The following ABCA4 variants were observed in gnomAD, a reference collection of about 807,000 sequenced individuals.
ABCA4 encodes the protein retinal-specific phospholipid-transporting ATPase ABCA4.
Under a neutral mutation model 263.7 loss-of-function variants are expected in ABCA4, and 196 were observed. That is an observed-to-expected ratio of 0.74 (90% CI 0.66 to 0.84). The LOEUF (loss-of-function observed/expected upper bound fraction) is 0.84, where lower values mean the gene tolerates loss of function less well. Among genes scored for constraint, ABCA4 ranks in the 40% least tolerant of loss-of-function variants. The probability of loss-of-function intolerance (pLI) is 0.00; values close to 1 mark genes in which losing one functional copy is unlikely to be tolerated. For missense variants in ABCA4, 2,792 were observed against 2,855.1 expected, an observed-to-expected ratio of 0.98 and a Z score of 0.50; for synonymous variants, 1,133 against 1,094.2, an observed-to-expected ratio of 1.04 and a Z score of -0.70.
intron 49 of ABCA4, 44 bp from the exon 50 acceptor site, chr1:93,993,286 G>A (rs753523367): frequency 2.5e-6 from 4 of 1,613,364 alleles, no homozygotes; most frequent in Non-Finnish European, 2.5e-6. Flanking sequence ...TTGGTTTTCT[G>A]AGATGCTGTA....
chr1:94,009,731 G>A (rs1212980633), intron 40 of ABCA4, among the ~76,000 whole-genome samples: 1 of 152,208 alleles, frequency 6.6e-6, no homozygotes, highest in African/African-American at 2.4e-5. Context: ...AGGCCCTAAA[G>A]CAGGCAGGAC....
Position 94,008,797 on chromosome 1 carries a change from G to A in ABCA4, c.5789C>T (p.Thr1930Ile), listed in dbSNP as rs1315622875. The A allele has an allele frequency of 1.2e-6, 2 of 1,613,814 alleles. No homozygotes were observed. Among genetic ancestry groups the A allele is most frequent in the Non-Finnish European group, 1.7e-6 (2 of 1,179,940 alleles). The change falls in exon 41 of 50, where the codon ACT (threonine) becomes ATT (isoleucine). Residue 1930 changes from threonine to isoleucine, a missense_variant. Transcript: ENST00000370225. Reference protein sequence around the residue: ...DVAEERQRIITGGNKTDILRL... With the variant: ...DVAEERQRIIIGGNKTDILRL... ...TAAGATGTCAGTTTTATTTCCACCA[G>A]TAATAATTCTTTGTCTTTCTTCAGC...
rs1375313569 is a variant in ABCA4 at position 94,079,403 on chromosome 1, A to G, written c.1158T>C (p.Ala386=). 6 of 1,614,048 alleles carry G rather than the reference A, an allele frequency of 3.7e-6. No homozygotes were observed. In the African/African-American group the frequency reaches 4.0e-5, roughly 11 times the overall value. ...SLESNPLTKI[A]WRAAKPLLMG... is the part of the protein sequence containing the mutation. ...TCAGCAAAGGCTTTGCCGCCCTCCAAGCGATTTTGGTTAAAGGATTTGACT... is the reference window on the plus strand; with the variant it reads ...TCAGCAAAGGCTTTGCCGCCCTCCAGGCGATTTTGGTTAAAGGATTTGACT... The change falls in exon 9 of 50, where the codon GCT becomes GCC. Residue 386 remains alanine, a synonymous_variant. Transcript: ENST00000370225.
intron 11 of ABCA4, 32 bp from the exon 12 acceptor site, chr1:94,063,349 AG>A (rs746650019): frequency 6.2e-7 from 1 of 1,600,624 alleles, no homozygotes; most frequent in Non-Finnish European, 8.6e-7. Flanking sequence ...AGAGAGTGTG[AG>A]GAGGACCAAC....
intron 27 of ABCA4, 133 bp downstream of exon 27, chr1:94,031,645 A>G: frequency 3.9e-6 from 5 of 1,280,670 alleles, no homozygotes; most frequent in Non-Finnish European, 5.5e-6. Flanking sequence ...AAAGCAGGAA[A>G]CAAAACCAGC....
At position 94,055,674 on chromosome 1, in the gene ABCA4, C is replaced by T. The variant is rs567834925; in HGVS notation, c.2383-359G>A. 2.0e-5 allele frequency among the ~76,000 whole-genome samples: 3 copies of T among 152,334 alleles called. No homozygotes were observed. In the South Asian group the frequency reaches 6.2e-4, roughly 32 times the overall value. ...GGATTACCAAAATAGCCCAACTCTG[C>T]CCACAGATGAGTCATAAGGATTTCT... On this transcript the variant is annotated intron_variant, in intron 15 of 49. Transcript: ENST00000370225.
At chr1:94,055,943 G>C (rs1305019020) in intron 15 of ABCA4, among the ~76,000 whole-genome samples, 4 of 152,180 alleles carry the variant, frequency 2.6e-5, no homozygotes, top group African/African-American at 9.6e-5. Flanking sequence ...GCACCCTCCA[G>C]GGCCAGAGGC....
At chr1:94,036,827 T>C (rs1218297062) in intron 25 of ABCA4, 39 bp from the exon 26 acceptor site, 2 of 1,601,476 alleles carry the variant, frequency 1.2e-6, no homozygotes, top group Admixed American at 3.3e-5. Context: ...TGTTTAGTCA[T>C]TCTTATTCTC....
intron 47 of ABCA4, among the ~76,000 whole-genome samples, chr1:94,000,450 G>A (rs1056733205): frequency 1.3e-5 from 2 of 152,184 alleles, no homozygotes; most frequent in Non-Finnish European, 2.9e-5. Context: ...CCTCAAGTCA[G>A]TTGGTCTCCT....
At chr1:94,002,691 G>C (rs908639553) in intron 44 of ABCA4, among the ~76,000 whole-genome samples, 1 of 152,108 alleles carries the variant, frequency 6.6e-6, no homozygotes, top group Non-Finnish European at 1.5e-5. Context: ...AGGTGTGCAC[G>C]TGGCTCCTTC....
intron 48 of ABCA4, among the ~76,000 whole-genome samples, chr1:93,996,727 C>G (rs1659014851): frequency 6.6e-6 from 1 of 151,958 alleles, no homozygotes; most frequent in African/African-American, 2.4e-5. Flanking sequence ...AGAAACAACC[C>G]AAATGTCTAT....
At chr1:94,059,761 T>TA (rs1661068822) in intron 14 of ABCA4, 2 of 152,330 alleles carry the variant, frequency 1.3e-5, no homozygotes, top group African/African-American at 4.8e-5. Flanking sequence ...CAATAAAATA[T>TA]AAAAAATGAC....
At chr1:94,087,980 G>A (rs1166295484) in intron 6 of ABCA4, among the ~76,000 whole-genome samples, 8 of 152,072 alleles carry the variant, frequency 5.3e-5, no homozygotes, top group Admixed American at 5.2e-4. Context: ...ATCTACCTCT[G>A]ATCGCTTATG....
At chr1:94,039,711 T>C (rs1024756219) in intron 24 of ABCA4, among the ~76,000 whole-genome samples, 7 of 152,092 alleles carry the variant, frequency 4.6e-5, no homozygotes, top group Non-Finnish European at 8.8e-5. Flanking sequence ...ACGGCACACA[T>C]GTAGAAGAAG....
intron 16 of ABCA4, among the ~76,000 whole-genome samples, chr1:94,053,595 A>G (rs956857991): frequency 2.0e-5 from 3 of 152,228 alleles, no homozygotes; most frequent in Non-Finnish European, 4.4e-5. Context: ...TAAGATGGCC[A>G]TGTAAGACAG....
intron 6 of ABCA4, among the ~76,000 whole-genome samples, chr1:94,093,554 G>T (rs772753195): frequency 1.2e-4 from 18 of 152,196 alleles, no homozygotes; most frequent in Non-Finnish European, 8.8e-5. Context: ...AGGACCCCAG[G>T]ACTCATTATC....
chr1:94,005,313 G>A (rs1463566075), intron 44 of ABCA4, 128 bp downstream of exon 44: 1 of 1,275,022 alleles, frequency 7.8e-7, no homozygotes, highest in Non-Finnish European at 1.1e-6. Flanking sequence ...TAGACACATA[G>A]TAAACATTTG....
intron 17 of ABCA4, among the ~76,000 whole-genome samples, chr1:94,049,811 A>G (rs960071000): frequency 6.6e-6 from 1 of 151,848 alleles, no homozygotes; most frequent in African/African-American, 2.4e-5. Flanking sequence ...GAAGTGTGGT[A>G]TAAACACACG....
intron 38 of ABCA4, 151 bp downstream of exon 38, chr1:94,014,392 A>C: frequency 1.2e-6 from 1 of 824,574 alleles, no homozygotes; most frequent in Non-Finnish European, 2.0e-6. Flanking sequence ...GAAGGAAGGA[A>C]AGGAGGCAGG....
Sources: gnomAD v4.1 joint callset for allele counts (sites outside exome capture counted in the v4.1 genomes callset) on GRCh38, gnomAD v4.1.1 for gene constraint, MANE v1.5 for transcripts, NCBI Gene and HGNC (gene_info 2026-07-23, HGNC 2026-07-21) for gene names.